PRH1: variants seen among roughly 807,000 people sequenced by gnomAD.
PRH1 encodes the protein salivary acidic proline-rich phosphoprotein 1/2.
A neutral mutation model predicts 7.9 loss-of-function variants in PRH1; 7 were observed. The observed-to-expected ratio is 0.89, with a 90% CI of 0.50 to 1.67. The LOEUF is 1.67. PRH1 is among the 40% of genes most tolerant of loss of function. The pLI is 0.00. For missense variants in PRH1, 109 were observed against 223.6 expected (o/e 0.49, Z 3.27); for synonymous variants, 45 against 80.8 (o/e 0.56, Z 2.38).
intron 2 of PRH1, chr12:10,909,206 GTTGATCAGTACTATAAATCCA>G (rs1400802862): frequency 1.2e-6 from 2 of 1,613,400 alleles, no homozygotes; most frequent in Admixed American, 3.3e-5. Context: ...AGTCAATGCA[GTTGATCAGTACTATAAATCCA>G]TTGCTCAAAT....
intron 2 of PRH1, among the ~76,000 whole-genome samples, chr12:10,965,641 G>A (rs1175206977): frequency 3.6e-4 from 55 of 152,160 alleles, no homozygotes; most frequent in Admixed American, 3.6e-3. Context: ...AAGTAGAAGT[G>A]AAACCGGAAT....
At chr12:11,090,728 A>T (rs1387819626) in intron 1 of PRH1, among the ~76,000 whole-genome samples, 1 of 117,852 alleles carries the variant, frequency 8.5e-6, no homozygotes, top group Non-Finnish European at 2.0e-5. Flanking sequence ...CTTTTTACTA[A>T]ACATAAAATA....
chr12:11,075,258 C>T (rs371064513), intron 1 of PRH1, among the ~76,000 whole-genome samples: 42,563 of 89,178 alleles, frequency 0.48, 7,181 homozygotes, highest in Non-Finnish European at 0.57. Context: ...TTTTTAAAAG[C>T]GAAATGCCAT....
chr12:10,882,258 G>T lies in PRH1; in HGVS notation c.541C>A (p.Pro181Thr). 2 of 1,613,512 alleles carry T rather than the reference G, an allele frequency of 1.2e-6. No individual in the cohort carries two copies. The highest frequency in any genetic ancestry group is 1.7e-6 in the Non-Finnish European group (2 of 1,179,826). ...PPQGGRPQGP[P>T]QGQSPQ ...GATTACTGAGGAGACTGCCCCTGTG[G>T]AGGTCCTTGTGGGCGGCCCCCTTGG... The change falls in exon 3 of 4, where the codon CCA becomes ACA. Residue 181 changes from proline (P) to threonine (T), a missense_variant. Physicochemically the swap from Pro to Thr is conservative, Grantham distance 38. Around this residue, in one of 3 missense-constraint regions of PRH1, gnomAD observed 45 missense variants for 88.8 expected, o/e 0.51. Transcript: ENST00000543626.
At chr12:11,068,464 T>C (rs1943918010) in intron 1 of PRH1, among the ~76,000 whole-genome samples, 1 of 152,334 alleles carries the variant, frequency 6.6e-6, no homozygotes, top group Non-Finnish European at 1.5e-5. Flanking sequence ...GTTCATTAAT[T>C]TTGATCACTG....
rs1417957388 is a variant in PRH1 at position 11,074,812 on chromosome 12, G to C, written n.124-27624C>G. ...GGCCAAAGGTAAATAGAAAACAAAA[G>C]ACAGCTAGGATACATTCTCCCTTTT... On this transcript the variant is annotated intron_variant and non_coding_transcript_variant, in intron 1 of 4. Transcript: ENST00000541977. 2.6e-5 allele frequency among the ~76,000 whole-genome samples: 3 copies of C among 116,376 alleles called. 1 individual carries two copies. The highest frequency in any genetic ancestry group is 8.6e-5 in the African/African-American group (3 of 34,740). 76.3% of individuals were successfully genotyped at this position (116,376 alleles called of 152,430 possible).
At chr12:11,114,261 C>A (rs1015985545) in intron 1 of PRH1, among the ~76,000 whole-genome samples, 2 of 152,104 alleles carry the variant, frequency 1.3e-5, no homozygotes, top group Non-Finnish European at 2.9e-5. Context: ...AACCCAAATG[C>A]CCATCAAATA....
intron 1 of PRH1, among the ~76,000 whole-genome samples, chr12:11,130,852 G>A (rs1946320609): frequency 6.6e-6 from 1 of 152,144 alleles, no homozygotes; most frequent in African/African-American, 2.4e-5. Flanking sequence ...CTGTACAACT[G>A]TGCAAGTCAT....
At chr12:11,047,087 T>C (rs1942928932) in exon 1 of PRH1, 1 of 488,618 alleles carries the variant, frequency 2.0e-6, no homozygotes, top group South Asian at 1.5e-5. Flanking sequence ...GTTAAGTAAA[T>C]GTTCTGTCAC....
chr12:11,022,190 C>T (rs753730046), intron 1 of PRH1: 1 of 1,614,102 alleles, frequency 6.2e-7, no homozygotes, highest in Non-Finnish European at 8.5e-7. Flanking sequence ...ACCAGAACAA[C>T]ACTCTTAATT....
chr12:11,114,881 CA>C (rs1385665127), intron 1 of PRH1, among the ~76,000 whole-genome samples: 1 of 151,740 alleles, frequency 6.6e-6, no homozygotes, highest in Admixed American at 6.6e-5. Context: ...AATCTCAAAC[CA>C]AAAAGCATAG....
chr12:11,050,144 G>C (rs1186458620), upstream of PRH1, among the ~76,000 whole-genome samples: 2 of 152,146 alleles, frequency 1.3e-5, no homozygotes, highest in Non-Finnish European at 2.9e-5. Context: ...GACACACACA[G>C]AAATATAGTG....
intron 1 of PRH1, chr12:11,166,141 A>C (rs1265830593): frequency 6.6e-6 from 1 of 152,306 alleles, no homozygotes; most frequent in African/African-American, 2.4e-5. Context: ...GCTTTCACCC[A>C]GTGTCAGCAT....
intron 1 of PRH1, among the ~76,000 whole-genome samples, chr12:10,985,142 T>A (rs1939544239): frequency 6.6e-6 from 1 of 152,058 alleles, no homozygotes; most frequent in Non-Finnish European, 1.5e-5. Flanking sequence ...ACTCAAAAAC[T>A]GGAAGAAATG....
intron 1 of PRH1, among the ~76,000 whole-genome samples, chr12:11,028,591 A>AT (rs1942032953): frequency 6.6e-6 from 1 of 152,248 alleles, no homozygotes; most frequent in South Asian, 2.1e-4. Flanking sequence ...TACTAACTCA[A>AT]TTTTTTGAAA....
At chr12:10,881,326 G>A (rs765234589) in intron 3 of PRH1, among the ~76,000 whole-genome samples, 10 of 152,132 alleles carry the variant, frequency 6.6e-5, no homozygotes, top group Non-Finnish European at 1.0e-4. Flanking sequence ...GTTATGTAAG[G>A]GCTATTTTTA....
chr12:11,057,296 C>A (rs1943404926), intron 1 of PRH1, among the ~76,000 whole-genome samples: 2 of 152,174 alleles, frequency 1.3e-5, no homozygotes, highest in African/African-American at 4.8e-5. Flanking sequence ...TCACATCCAG[C>A]CTGCAGGGGG....
intron 1 of PRH1, among the ~76,000 whole-genome samples, chr12:11,036,977 T>G (rs533226261): frequency 1.3e-5 from 2 of 152,252 alleles, no homozygotes; most frequent in African/African-American, 4.8e-5. Flanking sequence ...TCTTCTATGA[T>G]TCTCAGCATT....
chr12:11,037,732 TTA>T, intron 1 of PRH1, among the ~76,000 whole-genome samples: 1 of 152,262 alleles, frequency 6.6e-6, no homozygotes, highest in Non-Finnish European at 1.5e-5. Context: ...CTCTCCTTTT[TTA>T]AAATTAATTT....
Sources: allele counts gnomAD v4.1 joint callset (sites outside exome capture counted in the v4.1 genomes callset), GRCh38; gene constraint gnomAD v4.1.1; regional missense constraint gnomAD v4.1.1; transcripts MANE v1.5; gene names NCBI Gene and HGNC (gene_info 2026-07-23, HGNC 2026-07-21).